SYBU: variants seen among roughly 807,000 people sequenced by gnomAD.
SYBU encodes GOLSYN A protein.
A neutral mutation model predicts 35.9 loss-of-function variants in SYBU; 21 were observed. The observed-to-expected ratio is 0.58, with a 90% CI of 0.41 to 0.84. The LOEUF (loss-of-function observed/expected upper bound fraction) is 0.84. Among genes scored for constraint, SYBU ranks in the 40% least tolerant of loss-of-function variants. The pLI, the probability that SYBU is intolerant of heterozygous loss-of-function variation, is 0.00. For missense variants in SYBU, 768 were observed against 848.2 expected, an observed-to-expected ratio of 0.91 and a Z score of 1.17; for synonymous variants, 319 against 324.3, an observed-to-expected ratio of 0.98 and a Z score of 0.18.
At chr8:109,593,802 T>G (rs907648491) in intron 3 of SYBU, among the ~76,000 whole-genome samples, 7 of 152,074 alleles carry the variant, frequency 4.6e-5, no homozygotes, top group Non-Finnish European at 1.0e-4. Flanking sequence ...CAGGAACCAC[T>G]CCAGTGGCAG....
At chr8:109,680,717 GGAA>G (rs1817373579) in exon 1 of SYBU, 1 of 152,096 alleles carries the variant, frequency 6.6e-6, no homozygotes, top group South Asian at 2.1e-4. Flanking sequence ...TTACCTCTTG[GGAA>G]GAAGAAGCAA....
chr8:109,646,093 T>C (rs190992793), upstream of SYBU: 3 of 152,414 alleles, frequency 2.0e-5, no homozygotes, highest in East Asian at 5.8e-4. Context: ...GGACTTAGAA[T>C]AGGGTACATC....
At chr8:109,643,168 CACACAT>C in intron 1 of SYBU, 8 of 1,188,670 alleles carry the variant, frequency 6.7e-6, no homozygotes, top group Non-Finnish European at 8.3e-6. Context: ...CACACACACA[CACACAT>C]ATACACACCT....
chr8:109,644,082 T>C (rs770004675), intron 1 of SYBU: 4 of 456,704 alleles, frequency 8.8e-6, no homozygotes, highest in South Asian at 4.6e-5. Flanking sequence ...TAAACACCTC[T>C]GGGAGGCCGG....
chr8:109,625,462 G>T (rs1812887891), intron 2 of SYBU, among the ~76,000 whole-genome samples: 1 of 152,070 alleles, frequency 6.6e-6, no homozygotes, highest in African/African-American at 2.4e-5. Context: ...TCGCTCTGTT[G>T]CCCAGGCTGG....
intron 2 of SYBU, among the ~76,000 whole-genome samples, chr8:109,625,135 T>TAA (rs1563737117): frequency 2.7e-5 from 4 of 150,120 alleles, no homozygotes; most frequent in African/African-American, 9.7e-5. Context: ...TGTGCTTTTT[T>TAA]TAAAAAAAAA....
chr8:109,580,554 C>T (rs1246259865), intron 4 of SYBU: 1 of 153,724 alleles, frequency 6.5e-6, no homozygotes, highest in African/African-American at 2.4e-5. Flanking sequence ...ATTTTTGTTT[C>T]ATTTTCTTCT....
chr8:109,660,346 T>C (rs1446649656), intron 1 of SYBU, among the ~76,000 whole-genome samples: 1 of 152,194 alleles, frequency 6.6e-6, no homozygotes, highest in African/African-American at 2.4e-5. Context: ...ATTGGAGAGT[T>C]AAAACTTTTG....
At chr8:109,578,120 G>A (rs919396107) in intron 5 of SYBU, 103 bp from the exon 6 acceptor site, 2 of 1,280,906 alleles carry the variant, frequency 1.6e-6, no homozygotes, top group Non-Finnish European at 2.1e-6. Context: ...TGTCCCTCCA[G>A]AATTCATATG....
At chr8:109,587,872 G>A (rs527770021) in intron 3 of SYBU, among the ~76,000 whole-genome samples, 123 of 152,338 alleles carry the variant, frequency 8.1e-4, no homozygotes, top group African/African-American at 2.9e-3. Context: ...CTTCTGGATT[G>A]CAGAGACTTT....
chr8:109,659,154 T>C (rs115877568), intron 1 of SYBU, among the ~76,000 whole-genome samples: 2,439 of 152,318 alleles, frequency 0.016, 67 homozygotes, highest in African/African-American at 0.056. Context: ...CTGGGCTTGC[T>C]GAACAGTAGC....
chr8:109,670,654 T>G (rs1816946963), intron 1 of SYBU, among the ~76,000 whole-genome samples: 1 of 152,102 alleles, frequency 6.6e-6, no homozygotes, highest in Non-Finnish European at 1.5e-5. Context: ...CTTCTATAAT[T>G]TATCTTTCAT....
At chr8:109,682,650 A>C (rs779376388), upstream of SYBU, among the ~76,000 whole-genome samples, 22 of 152,212 alleles carry the variant, frequency 1.4e-4, no homozygotes, top group Non-Finnish European at 2.8e-4. Flanking sequence ...TTCTGGGGAG[A>C]TATTCAAGCC....
intron 2 of SYBU, among the ~76,000 whole-genome samples, chr8:109,628,312 C>T (rs1813198124): frequency 6.6e-6 from 1 of 151,262 alleles, no homozygotes; most frequent in African/African-American, 2.4e-5. Context: ...AGTTTGAGAC[C>T]AGCCTGGGAA....
rs551446164 is a variant in SYBU at position 109,584,709 on chromosome 8, C to T, written c.530+1351G>A. Among the ~76,000 whole-genome samples the T allele has an allele frequency of 3.9e-5, 6 of 152,198 alleles. No individual in the cohort carries two copies. Among genetic ancestry groups the T allele is most frequent in the South Asian group, 2.1e-4 (1 of 4,810 alleles). On this transcript the variant is annotated intron_variant, in intron 4 of 6. Coordinates refer to ENST00000276646, the MANE Select transcript of SYBU (RefSeq NM_001099754.2). This position sits in a 1 kb window ranked among gnomAD's most constrained non-coding sequence, Gnocchi z 4.0. ...GTATTTTTAATGATAAAACTGTGCCCTGGGGGTCTCAGGTCGCCTTATAAA... is the reference window on the plus strand; with the variant it reads ...GTATTTTTAATGATAAAACTGTGCCTTGGGGGTCTCAGGTCGCCTTATAAA...
rs192843968 is a variant in SYBU at position 109,618,704 on chromosome 8, C to A, written c.427+138G>T. On this transcript the variant is annotated intron_variant, in intron 3 of 6. Transcript: ENST00000276646. ...AGAAAATAGTCCACTTTCCACCCTG[C>A]CTCCTTTAAAAATGATGCTTTAGAT... is the stretch of plus-strand genomic sequence containing the variant. 9.5e-5 allele frequency: 75 copies of A among 792,100 alleles called. 1 individual carries two copies. Among genetic ancestry groups the A allele is most frequent in the East Asian group, 7.8e-4 (32 of 40,766 alleles). 49.1% of individuals were successfully genotyped at this position (792,100 alleles called of 1,614,324 possible).
At chr8:109,599,599 T>C (rs1825283643) in intron 3 of SYBU, among the ~76,000 whole-genome samples, 1 of 152,238 alleles carries the variant, frequency 6.6e-6, no homozygotes, top group African/African-American at 2.4e-5. Flanking sequence ...CTGTCTGCTC[T>C]TTCCCATCCT....
upstream of SYBU, among the ~76,000 whole-genome samples, chr8:109,684,026 C>T (rs1817463529): frequency 6.6e-6 from 1 of 152,196 alleles, no homozygotes; most frequent in South Asian, 2.1e-4. Flanking sequence ...ATAAATTACC[C>T]AGTCTCAGAT....
In SYBU at chr8:109,691,432, G is replaced by GC. The variant is rs1817643269; in HGVS notation, c.-158_-157insG. The GC allele has an allele frequency of 2.8e-5, 19 of 671,532 alleles. No homozygotes were observed. Among genetic ancestry groups the GC allele is most frequent in the Non-Finnish European group, 4.8e-5 (18 of 372,574 alleles). The allele number at this position is 671,532 out of a possible 1,614,324, so 41.6% of individuals were successfully genotyped here. A position where few individuals can be genotyped will look rare whatever the true frequency, so the allele number is the denominator to read the frequency against. On this transcript the variant is annotated 5_prime_UTR_variant, in exon 1 of 8. Coordinates refer to the SYBU transcript ENST00000422135. This position sits in a 1 kb window ranked among gnomAD's most constrained non-coding sequence, Gnocchi z 4.7. The stretch of plus-strand genomic sequence containing the variant: ...GGCTGGGCCGGGTGCCGGTGCGGAC[G>GC]GGACCCCGCGTCGCTGCTGGTTTGC...
Sources: allele counts gnomAD v4.1 joint callset (sites outside exome capture counted in the v4.1 genomes callset), GRCh38; gene constraint gnomAD v4.1.1; non-coding constraint Gnocchi (gnomAD v3.1); transcripts MANE v1.5; gene names NCBI Gene and HGNC (gene_info 2026-07-23, HGNC 2026-07-21).